The following KLC3 variants were observed in gnomAD, a reference collection of about 807,000 sequenced individuals.
The protein encoded by KLC3 is kinesin light chain 2.
KLC3 carries 72 observed loss-of-function variants against 62.9 expected under a neutral mutation model. That is an observed-to-expected ratio of 1.15 (90% confidence interval 0.95 to 1.39). KLC3 has a LOEUF of 1.39. Among genes scored for constraint, KLC3 ranks in the 40% most tolerant of loss-of-function variants. The probability of loss-of-function intolerance (pLI) is 0.00; values close to 1 mark genes in which losing one functional copy is unlikely to be tolerated. For missense variants in KLC3, 848 were observed against 691.6 expected (o/e 1.23, Z -2.54); for synonymous variants, 377 against 300.5 (o/e 1.25, Z -2.63).
chr19:45,350,001 C>G (rs990482658), intron 8 of KLC3: 1 of 440,444 alleles, frequency 2.3e-6, no homozygotes, highest in East Asian at 4.0e-5. Flanking sequence ...CAAAGTACAG[C>G]AGACAGGCTC....
At chr19:45,343,263 G>T (rs938682557) in intron 1 of KLC3, among the ~76,000 whole-genome samples, 13 of 152,178 alleles carry the variant, frequency 8.5e-5, no homozygotes, top group Non-Finnish European at 1.9e-4. Context: ...TGGTCTGAAT[G>T]TGAGTGATTT....
chr19:45,349,072 C>T (rs973890039), intron 7 of KLC3, 151 bp downstream of exon 7: 1 of 699,572 alleles, frequency 1.4e-6, no homozygotes, highest in South Asian at 1.9e-5. Context: ...CCCAACCCAT[C>T]ACCCTTGACC....
intron 1 of KLC3, 124 bp from the exon 2 acceptor site, chr19:45,345,410 G>A (rs1254395501): frequency 1.5e-6 from 2 of 1,299,474 alleles, no homozygotes; most frequent in Non-Finnish European, 2.2e-6. Context: ...AGGATGGGTG[G>A]AGCAGGGAAG....
intron 2 of KLC3, among the ~76,000 whole-genome samples, chr19:45,346,287 T>TGG (rs977556280): frequency 2.6e-5 from 4 of 152,070 alleles, no homozygotes; most frequent in African/African-American, 7.2e-5. Context: ...AGGGGGTCCT[T>TGG]GTGTGTGACA....
In KLC3 at chr19:45,348,812, C is replaced by T. The variant is rs770753305; in HGVS notation, c.868-8C>T. 3.8e-6 allele frequency: 6 copies of T among 1,563,702 alleles called. No homozygotes were observed. The highest frequency in any genetic ancestry group is 5.2e-6 in the Non-Finnish European group (6 of 1,153,818). ...CATCCCTGACCTGTGCCTCCCCCAA[C>T]CCCGCAGGTGGCCGCCACGCTCAAC... On this transcript the variant is annotated splice_polypyrimidine_tract_variant and splice_region_variant and intron_variant, in intron 6 of 12. Coordinates refer to ENST00000391946, the MANE Select transcript of KLC3 (RefSeq NM_177417.3).
Position 45,345,427 on chromosome 19 carries a change from G to A in KLC3, c.-8-107G>A, listed in dbSNP as rs1049976064. The A allele has an allele frequency of 6.2e-6, 9 of 1,447,738 alleles. No individual in the cohort carries two copies. The African/African-American group carries it at 9.9e-5, about 16-fold the overall frequency. 89.7% of individuals were successfully genotyped at this position (1,447,738 alleles called of 1,614,324 possible). A position where few individuals can be genotyped will look rare whatever the true frequency, so the allele number is the denominator to read the frequency against. Reference sequence around the variant, plus strand: ...GATGGGTGGAGCAGGGAAGAGCCAGGATGGGGAGAAGTTAGGGGTCCTGAT... The same window carrying A: ...GATGGGTGGAGCAGGGAAGAGCCAGAATGGGGAGAAGTTAGGGGTCCTGAT... On this transcript the variant is annotated intron_variant, in intron 1 of 12. Transcript: ENST00000391946.
Position 45,350,562 on chromosome 19 carries a change from G to A in KLC3, c.1272+11G>A, listed in dbSNP as rs1971689711. On this transcript the variant is annotated intron_variant, in intron 10 of 12. Coordinates refer to ENST00000391946, the MANE Select transcript of KLC3 (RefSeq NM_177417.3). ...GGTGACGCAGAACAGGTGAGGATGG[G>A]CTGTGCTTCGGCTCCTGGGGTGGGC... 3.1e-6 allele frequency: 5 copies of A among 1,613,882 alleles called. No homozygotes were observed. Among genetic ancestry groups the A allele is most frequent in the African/African-American group, 1.3e-5 (1 of 74,864 alleles).
At chr19:45,345,398 C>A in intron 1 of KLC3, 136 bp from the exon 2 acceptor site, 1 of 1,165,434 alleles carries the variant, frequency 8.6e-7, no homozygotes, top group Non-Finnish European at 1.2e-6. Context: ...AGAGGGCTGG[C>A]CAGGATGGGT....
chr19:45,351,093 C>A (rs184083004), intron 12 of KLC3, 76 bp downstream of exon 12: 2 of 1,611,168 alleles, frequency 1.2e-6, no homozygotes, highest in Non-Finnish European at 1.7e-6. Flanking sequence ...GCAGGGCGGT[C>A]GGGCCAGTGG....
intron 11 of KLC3, 93 bp downstream of exon 11, chr19:45,350,840 T>C (rs1971722425): frequency 1.4e-6 from 1 of 736,904 alleles, no homozygotes; most frequent in South Asian, 1.4e-5. Context: ...GAACCTTCCA[T>C]GGCTCCCATC....
At chr19:45,350,093 C>T in intron 8 of KLC3, 1 of 533,100 alleles carries the variant, frequency 1.9e-6, no homozygotes, top group Non-Finnish European at 3.4e-6. Context: ...CAGGGCAAGG[C>T]TTTAGGCAGG....
rs944803977 is a variant in KLC3, at chr19:45,346,616, C to T, written c.331C>T (p.Arg111Trp). 38 of 1,550,698 alleles carry T rather than the reference C, an allele frequency of 2.5e-5. No homozygotes were observed. Among genetic ancestry groups the T allele is most frequent in the Non-Finnish European group, 2.9e-5 (33 of 1,147,276 alleles). ...GCAGCGGCTGCGCTCGCAGGCCCGG[C>T]GGCTGGCCCAGGAGAACGTGTGGCT... is the stretch of plus-strand genomic sequence containing the variant. ...EKQRLRSQAR[R>W]LAQENVWLRE... is the part of the protein sequence containing the mutation. The change falls in exon 3 of 13, where the codon CGG (arginine) becomes TGG (tryptophan). Residue 111 changes from arginine to tryptophan, a missense_variant. Arg to Trp is a moderately radical substitution (Grantham distance 101). Transcript: ENST00000391946.
At position 45,345,572 on chromosome 19, in the gene KLC3, G is replaced by A. The variant is rs1292489185; in HGVS notation, c.31G>A (p.Ala11Thr). ...TGTGCAGGTAGCGGCTCCTGGAAGT[G>A]CAGGGCTGGGCCCAGAGCGCCTGAG... MSVQVAAPGS[A>T]GLGPERLSPE... Residue 11 changes from alanine (A) to threonine (T), a missense_variant, in exon 2 of 13, where the codon GCA (alanine) becomes ACA (threonine). Ala to Thr is a moderately conservative substitution (Grantham distance 58). Transcript: ENST00000391946. 6.4e-7 allele frequency: 1 copy of A among 1,566,474 alleles called. No individual in the cohort carries two copies. The highest frequency in any genetic ancestry group is 8.6e-7 in the Non-Finnish European group (1 of 1,156,308).
intron 4 of KLC3, 69 bp from the exon 5 acceptor site, chr19:45,347,872 T>TA: frequency 1.5e-6 from 2 of 1,291,392 alleles, no homozygotes; most frequent in Non-Finnish European, 2.2e-6. Context: ...CTGAGGCACG[T>TA]GTCCCCTCAT....
At position 45,350,696 on chromosome 19, in the gene KLC3, G is replaced by C. The variant is rs569089733; in HGVS notation, c.1328G>C (p.Ser443Thr). 6.2e-6 allele frequency: 10 copies of C among 1,613,712 alleles called. No individual in the cohort carries two copies. The East Asian group carries it at 2.2e-4, about 36-fold the overall frequency. The change falls in exon 11 of 13, where the codon AGT becomes ACT. Residue 443 changes from serine to threonine, a missense_variant. Ser to Thr is a moderately conservative substitution (Grantham distance 58). Transcript: ENST00000391946. ...ATCCGTGAGTCTATCAGGCGAGGAA[G>C]TGAGAAGCTGGTCTCCCGGCTCCGA... Reference protein sequence around the residue: ...SKIRESIRRGSEKLVSRLRGE... With the variant: ...SKIRESIRRGTEKLVSRLRGE...
intron 12 of KLC3, 42 bp from the exon 13 acceptor site, chr19:45,351,244 C>T (rs1329080075): frequency 6.4e-7 from 1 of 1,565,940 alleles, no homozygotes. Context: ...GTAACACTTG[C>T]CCCTCACCTC....
chr19:45,346,965 G>A (rs1417669643), intron 3 of KLC3, 191 bp downstream of exon 3: 11 of 513,238 alleles, frequency 2.1e-5, no homozygotes, highest in South Asian at 1.2e-4. Flanking sequence ...TTCCACAGAC[G>A]CCCCCACTAG....
intron 11 of KLC3, 37 bp from the exon 12 acceptor site, chr19:45,350,917 G>A (rs1194504667): frequency 3.1e-6 from 5 of 1,606,672 alleles, no homozygotes; most frequent in Non-Finnish European, 3.4e-6. Context: ...GGCCACTCCT[G>A]GATTCACTCA....
chr19:45,344,736 G>A (rs958608114), intron 1 of KLC3: 4 of 152,250 alleles, frequency 2.6e-5, no homozygotes, highest in African/African-American at 9.7e-5. Flanking sequence ...AAGTCCCATA[G>A]AGGGGGGCCC....
Sources: allele counts gnomAD v4.1 joint callset (sites outside exome capture counted in the v4.1 genomes callset), GRCh38; gene constraint gnomAD v4.1.1; transcripts MANE v1.5; gene names NCBI Gene and HGNC (gene_info 2026-07-23, HGNC 2026-07-21).